GRID2: variants seen among roughly 807,000 people sequenced by gnomAD.
The protein encoded by GRID2 is glutamate ionotropic receptor delta type subunit 2, also known as glutamate receptor ionotropic, delta-2.
In GRID2, 33 loss-of-function variants were observed where a neutral mutation model predicts 114.8. The observed-to-expected ratio is 0.29, with a 90% CI of 0.22 to 0.38. The LOEUF is 0.38. Among genes scored for constraint, GRID2 ranks in the 10% least tolerant of loss-of-function variants. The pLI is 1.00. For missense variants in GRID2, 1,184 were observed against 1,257.7 expected, an observed-to-expected ratio of 0.94 and a Z score of 0.89; for synonymous variants, 505 against 449.9, an observed-to-expected ratio of 1.12 and a Z score of -1.55.
At chr4:92,485,348 AG>A (rs1311126358) in intron 1 of GRID2, among the ~76,000 whole-genome samples, 29 of 49,456 alleles carry the variant, frequency 5.9e-4, no homozygotes, top group African/African-American at 1.9e-3. Flanking sequence ...ATATATATAT[AG>A]TGTGTGTGTG....
In GRID2 at chr4:93,562,217, A is replaced by G. The variant is rs939958398; in HGVS notation, c.2193+46806A>G. 2.0e-5 allele frequency among the ~76,000 whole-genome samples: 3 copies of G among 151,338 alleles called. No individual in the cohort carries two copies. The East Asian group carries it at 5.8e-4, about 29-fold the overall frequency. Reference sequence around the variant, plus strand: ...CAGAGTTTTTTTTTTTATTTTGGCCATTCTAATAGTGTGTAGTGATAGCTC... The same window carrying G: ...CAGAGTTTTTTTTTTTATTTTGGCCGTTCTAATAGTGTGTAGTGATAGCTC... On this transcript the variant is annotated intron_variant, in intron 13 of 15. Coordinates refer to ENST00000282020, the MANE Select transcript of GRID2 (RefSeq NM_001510.4).
intron 2 of GRID2, among the ~76,000 whole-genome samples, chr4:92,699,330 C>T (rs1163931685): frequency 1.3e-5 from 2 of 152,104 alleles, no homozygotes; most frequent in Non-Finnish European, 1.5e-5. Context: ...GTACATTTCC[C>T]TAGTGAGTGC....
chr4:93,745,720 C>T (rs1001695352), intron 14 of GRID2, among the ~76,000 whole-genome samples: 1 of 152,080 alleles, frequency 6.6e-6, no homozygotes, highest in Admixed American at 6.6e-5. Flanking sequence ...GTTTAACTAT[C>T]CAATTAAATG....
At chr4:93,759,737 A>G (rs1733049417) in intron 14 of GRID2, among the ~76,000 whole-genome samples, 1 of 152,224 alleles carries the variant, frequency 6.6e-6, no homozygotes, top group Non-Finnish European at 1.5e-5. Flanking sequence ...GCGATTAATG[A>G]ACTCATGAGA....
rs533988976 is a variant in GRID2 at position 93,110,173 on chromosome 4, G to A, written c.530-575G>A. On this transcript the variant is annotated intron_variant, in intron 3 of 15. Transcript: ENST00000282020. ...AACTTTTCCAAATTTAGCTAAGGAGGTAATACTAATTAAATAGATTAAAAT... is the reference window on the plus strand; with the variant it reads ...AACTTTTCCAAATTTAGCTAAGGAGATAATACTAATTAAATAGATTAAAAT... 7.9e-5 allele frequency among the ~76,000 whole-genome samples: 12 copies of A among 152,268 alleles called. No individual in the cohort carries two copies. In the South Asian group the frequency reaches 2.5e-3, roughly 32 times the overall value.
intron 14 of GRID2, among the ~76,000 whole-genome samples, chr4:93,721,879 A>G (rs1482311696): frequency 1.3e-5 from 2 of 151,860 alleles, no homozygotes; most frequent in African/African-American, 4.8e-5. Flanking sequence ...AGTTGAAGAA[A>G]CTTGAAATCA....
In GRID2 at chr4:93,767,616, A is replaced by G. The variant is rs968512995; in HGVS notation, c.2361-1594A>G. Among the ~76,000 whole-genome samples, 3 of 152,106 alleles carry G rather than the reference A, an allele frequency of 2.0e-5. 1 individual carries two copies. The highest frequency in any genetic ancestry group is 4.1e-4 in the South Asian group (2 of 4,820). ...GAGAGATGACAGGGACCTGAGACCA[A>G]CCCTCTACCAGAGCCTTAAGGGCTG... On this transcript the variant is annotated intron_variant, in intron 14 of 15. Coordinates refer to ENST00000282020, the MANE Select transcript of GRID2 (RefSeq NM_001510.4).
At chr4:93,592,194 A>G (rs912840044) in intron 13 of GRID2, among the ~76,000 whole-genome samples, 1 of 151,654 alleles carries the variant, frequency 6.6e-6, no homozygotes, top group Admixed American at 6.6e-5. Context: ...GTGGGCATTT[A>G]GTGCTATAAA....
intron 8 of GRID2, among the ~76,000 whole-genome samples, chr4:93,357,751 G>A (rs1162323015): frequency 1.3e-5 from 2 of 151,582 alleles, no homozygotes; most frequent in Non-Finnish European, 3.0e-5. Context: ...ATGTAGGTGT[G>A]AAATAGGAAT....
intron 14 of GRID2, among the ~76,000 whole-genome samples, chr4:93,661,198 C>G (rs920305045): frequency 6.6e-6 from 1 of 152,306 alleles, no homozygotes; most frequent in Non-Finnish European, 1.5e-5. Context: ...ACCTCCAAAT[C>G]AGTTCTTGCA....
At chr4:93,759,069 G>A (rs1048654740) in intron 14 of GRID2, among the ~76,000 whole-genome samples, 9 of 151,626 alleles carry the variant, frequency 5.9e-5, no homozygotes, top group South Asian at 2.1e-4. Flanking sequence ...TTCATTTGCC[G>A]CCCAGTACTC....
chr4:93,175,982 T>G (rs1739315487), intron 4 of GRID2, among the ~76,000 whole-genome samples: 1 of 152,162 alleles, frequency 6.6e-6, no homozygotes, highest in African/African-American at 2.4e-5. Context: ...GGCTTTAACT[T>G]TGGCTTTTAA....
intron 14 of GRID2, among the ~76,000 whole-genome samples, chr4:93,762,192 A>T (rs962475884): frequency 3.9e-5 from 6 of 152,086 alleles, no homozygotes; most frequent in Non-Finnish European, 8.8e-5. Context: ...GCCAAAATAG[A>T]TTTATTCAGT....
Position 92,329,993 on chromosome 4 carries a change from A to AAGAGAGAGAGAGAGAG in GRID2, c.88+25267_88+25282dup, listed in dbSNP as rs3076580. Among the ~76,000 whole-genome samples the AAGAGAGAGAGAGAGAG allele has an allele frequency of 4.5e-3, 595 of 132,562 alleles. 6 individuals carry two copies. Among genetic ancestry groups the AAGAGAGAGAGAGAGAG allele is most frequent in the East Asian group, 0.013 (54 of 4,096 alleles). The allele number at this position is 132,562 out of a possible 152,430, so 87.0% of individuals were successfully genotyped here. On this transcript the variant is annotated intron_variant, in intron 1 of 15. Transcript: ENST00000282020. ...AAAAAGGAAGAGGAGTATGGGAGGA[A>AAGAGAGAGAGAGAGAG]AGAGAGAGAGAGAGAGAGAGAGAGA...
chr4:92,899,540 G>A (rs912010842), intron 2 of GRID2, among the ~76,000 whole-genome samples: 6 of 152,120 alleles, frequency 3.9e-5, no homozygotes, highest in Non-Finnish European at 5.9e-5. Flanking sequence ...TCCTAAGCCT[G>A]TATCAAGATG....
chr4:92,829,695 A>G (rs181993992), intron 2 of GRID2, among the ~76,000 whole-genome samples: 118 of 152,320 alleles, frequency 7.7e-4, no homozygotes, highest in African/African-American at 2.8e-3. Flanking sequence ...ATGCCCATCA[A>G]TGATAGACTG....
At chr4:93,023,763 T>A (rs1031333708) in intron 2 of GRID2, among the ~76,000 whole-genome samples, 6 of 151,842 alleles carry the variant, frequency 4.0e-5, no homozygotes, top group Admixed American at 3.9e-4. Flanking sequence ...GTGTTACATT[T>A]TGTTTCTTGA....
intron 1 of GRID2, among the ~76,000 whole-genome samples, chr4:92,572,650 T>C (rs1174862473): frequency 6.6e-6 from 1 of 152,144 alleles, no homozygotes; most frequent in Admixed American, 6.6e-5. Context: ...GAGATTTGTG[T>C]ATGTTGAACC....
intron 2 of GRID2, among the ~76,000 whole-genome samples, chr4:92,959,262 A>G (rs1278985479): frequency 6.6e-6 from 1 of 151,320 alleles, no homozygotes; most frequent in East Asian, 1.9e-4. Context: ...TCCTTTTCCT[A>G]GTTTCCTAAG....
Sources: allele counts gnomAD v4.1 joint callset (sites outside exome capture counted in the v4.1 genomes callset), GRCh38; gene constraint gnomAD v4.1.1; transcripts MANE v1.5; gene names NCBI Gene and HGNC (gene_info 2026-07-23, HGNC 2026-07-21).